TDRD3: variants seen among roughly 807,000 people sequenced by gnomAD.
TDRD3 encodes tudor domain containing 3, also known as tudor domain-containing protein 3.
TDRD3 carries 45 observed loss-of-function variants against 86.7 expected under a neutral mutation model. That is an observed-to-expected ratio of 0.52 (90% CI 0.41 to 0.67). The LOEUF (loss-of-function observed/expected upper bound fraction) is 0.67, where lower values mean the gene tolerates loss of function less well. Ranked by LOEUF, TDRD3 falls within the 30% of genes least tolerant of loss-of-function variation. TDRD3 has a pLI of 0.00. For synonymous variants in TDRD3, 298 were observed against 301.7 expected, an observed-to-expected ratio of 0.99 and a Z score of 0.13; for missense variants, 814 against 889.0, an observed-to-expected ratio of 0.92 and a Z score of 1.07.
chr13:60,498,440 G>T (rs1160291673), intron 8 of TDRD3, among the ~76,000 whole-genome samples: 1 of 152,116 alleles, frequency 6.6e-6, no homozygotes, highest in Admixed American at 6.6e-5. Context: ...ACGGCAATCA[G>T]AATATTCTGA....
rs1308176710 is a variant in TDRD3, at chr13:60,567,599, G to A, written c.2193G>A (p.Arg731=). The part of the protein sequence containing the change: ...GGDGQPRRST[R]PTQQFYQPPR... ...ATGGCCAGCCAAGACGATCCACTCG[G>A]CCAACCCAACAGTTTTACCAACCAC... is the stretch of plus-strand genomic sequence containing the variant. Residue 731 remains arginine (R), a synonymous_variant, in exon 13 of 14, where the codon CGG becomes CGA. Transcript: ENST00000377881. 6.2e-7 allele frequency: 1 copy of A among 1,614,136 alleles called. No individual in the cohort carries two copies.
At chr13:60,516,718 C>T (rs904222607) in intron 10 of TDRD3, among the ~76,000 whole-genome samples, 1 of 152,190 alleles carries the variant, frequency 6.6e-6, no homozygotes, top group Admixed American at 6.5e-5. Context: ...AGTGCTAAGC[C>T]TAGTGCTTGG....
intron 5 of TDRD3, among the ~76,000 whole-genome samples, chr13:60,471,719 A>G (rs1049252456): frequency 6.6e-6 from 1 of 151,900 alleles, no homozygotes; most frequent in Admixed American, 6.6e-5. Context: ...GATTTTGCGT[A>G]CTCCAACTTT....
In TDRD3 at chr13:60,535,243, A is replaced by T; in HGVS notation, c.2118+10A>T. 2 of 1,610,622 alleles carry T rather than the reference A, an allele frequency of 1.2e-6. No individual in the cohort carries two copies. Among genetic ancestry groups the T allele is most frequent in the Non-Finnish European group, 1.7e-6 (2 of 1,178,666 alleles). The stretch of plus-strand genomic sequence containing the variant: ...TCAAACAGAGGCATGGGTACGTGAT[A>T]CATATTCTGTACAAAGGCATAAACT... On this transcript the variant is annotated intron_variant, in intron 12 of 13. Transcript: ENST00000377881.
chr13:60,547,492 G>T (rs1290128337), intron 12 of TDRD3: 3 of 786,874 alleles, frequency 3.8e-6, no homozygotes, highest in Admixed American at 6.2e-5. Flanking sequence ...GTGACTTTGG[G>T]TAAGTTACCT....
At position 60,397,372 on chromosome 13, in the gene TDRD3, A is replaced by T; in HGVS notation, c.8A>T (p.Gln3Leu). The change falls in exon 1 of 14, where the codon CAG becomes CTG. Residue 3 changes from glutamine to leucine, a missense_variant. Coordinates refer to ENST00000377881, the MANE Select transcript of TDRD3 (RefSeq NM_001146070.2). ...CCGGCCTAAGCAGCTACCATGGCCC[A>T]GGTGGCCGGCGCGGCGTTGTCCCAG... Reference protein sequence around the residue: MAQVAGAALSQAG... With the variant: MALVAGAALSQAG... 1 of 1,483,542 alleles carries T rather than the reference A, an allele frequency of 6.7e-7. No homozygotes were observed. Among genetic ancestry groups the T allele is most frequent in the Non-Finnish European group, 9.0e-7 (1 of 1,116,120 alleles). 91.9% of individuals were successfully genotyped at this position (1,483,542 alleles called of 1,614,324 possible).
chr13:60,456,666 A>G (rs529239302), intron 3 of TDRD3, among the ~76,000 whole-genome samples: 1 of 152,126 alleles, frequency 6.6e-6, no homozygotes, highest in South Asian at 2.1e-4. Flanking sequence ...TTAGAAATTA[A>G]TTCTTGTCTA....
chr13:60,425,636 A>G (rs1954782097), intron 1 of TDRD3, among the ~76,000 whole-genome samples: 1 of 152,182 alleles, frequency 6.6e-6, no homozygotes, highest in Admixed American at 6.5e-5. Flanking sequence ...AAATGAATAA[A>G]GAAAATGTGG....
rs552972227 is a variant in TDRD3, at chr13:60,417,530, T to A, written c.41+20125T>A. On this transcript the variant is annotated intron_variant, in intron 1 of 13. Coordinates refer to ENST00000377881, the MANE Select transcript of TDRD3 (RefSeq NM_001146070.2). ...CTAATTTTTGTATGTTTAGTAGAGA[T>A]GGAGTTTCACCATGTTGGCCAGGCT... Among the ~76,000 whole-genome samples, 21 of 151,688 alleles carry A rather than the reference T, an allele frequency of 1.4e-4. No individual in the cohort carries two copies. The East Asian group carries it at 3.3e-3, about 24-fold the overall frequency.
intron 10 of TDRD3, among the ~76,000 whole-genome samples, chr13:60,525,017 G>A (rs1442394567): frequency 4.3e-5 from 6 of 141,104 alleles, no homozygotes; most frequent in African/African-American, 1.3e-4. Flanking sequence ...AACCCGGGAG[G>A]TGGAGGTTGC....
chr13:60,535,145 G>A lies in TDRD3; in HGVS notation c.2030G>A (p.Gly677Asp), dbSNP rs779184939. ...GAAGTTGAAGCCCTCCATTCTTCGG[G>A]TATGACAGCAGTTGTTAAATTCATT... The part of the protein sequence containing the change: ...RAEVEALHSS[G>D]MTAVVKFIDY... Residue 677 changes from glycine (G) to aspartate (D), a missense_variant, in exon 12 of 14, where the codon GGT becomes GAT. Physicochemically the swap from Gly to Asp is moderately conservative, Grantham distance 94 (BLOSUM62 -1). Coordinates refer to ENST00000377881, the MANE Select transcript of TDRD3 (RefSeq NM_001146070.2). The A allele has an allele frequency of 1.9e-6, 3 of 1,613,794 alleles. No individual in the cohort carries two copies. Among genetic ancestry groups the A allele is most frequent in the Non-Finnish European group, 2.5e-6 (3 of 1,179,894 alleles).
At chr13:60,520,730 G>A (rs1566267364) in intron 10 of TDRD3, among the ~76,000 whole-genome samples, 1 of 152,130 alleles carries the variant, frequency 6.6e-6, no homozygotes, top group Non-Finnish European at 1.5e-5. Flanking sequence ...GAGCGTTGAC[G>A]ACACCACCAG....
intron 7 of TDRD3, among the ~76,000 whole-genome samples, chr13:60,487,087 A>C (rs117360775): frequency 0.015 from 2,232 of 152,204 alleles, 29 homozygotes; most frequent in Non-Finnish European, 0.022. Flanking sequence ...TCTGTACTAA[A>C]TGTGTACAAA....
At chr13:60,396,036 G>C (rs550040535), upstream of TDRD3, among the ~76,000 whole-genome samples, 9 of 152,230 alleles carry the variant, frequency 5.9e-5, no homozygotes, top group African/African-American at 2.2e-4. Flanking sequence ...TCTGTATTAA[G>C]GAATTTTAGC....
At chr13:60,545,305 G>T (rs1334646665) in intron 12 of TDRD3, among the ~76,000 whole-genome samples, 1 of 152,062 alleles carries the variant, frequency 6.6e-6, no homozygotes, top group African/African-American at 2.4e-5. Flanking sequence ...AAGTAATTCG[G>T]GAAGCCCAAT....
At chr13:60,478,124 T>C (rs1039687390) in intron 5 of TDRD3, among the ~76,000 whole-genome samples, 4 of 152,084 alleles carry the variant, frequency 2.6e-5, no homozygotes, top group Non-Finnish European at 5.9e-5. Flanking sequence ...CTTCTAGGAA[T>C]GTATGCATTT....
chr13:60,470,522 T>C (rs1357874270), intron 5 of TDRD3, among the ~76,000 whole-genome samples: 1 of 151,972 alleles, frequency 6.6e-6, no homozygotes, highest in Admixed American at 6.6e-5. Flanking sequence ...TCACCAACGG[T>C]TGGTATTTTG....
At position 60,426,596 on chromosome 13, in the gene TDRD3, A is replaced by T. The variant is rs546527367; in HGVS notation, c.42-13092A>T. ...TTTGCAAATAATTCTAAAAACCTAT[A>T]TGAAATGGGTAGTTTTCTAGGAAAG... On this transcript the variant is annotated intron_variant, in intron 1 of 13. Coordinates refer to ENST00000377881, the MANE Select transcript of TDRD3 (RefSeq NM_001146070.2). 3.3e-5 allele frequency among the ~76,000 whole-genome samples: 5 copies of T among 152,322 alleles called. 1 individual carries two copies. In the South Asian group the frequency reaches 1.0e-3, roughly 32 times the overall value.
chr13:60,478,483 T>G (rs1440041370), intron 5 of TDRD3, among the ~76,000 whole-genome samples: 1 of 151,838 alleles, frequency 6.6e-6, no homozygotes, highest in Admixed American at 6.6e-5. Flanking sequence ...TTTGGCATTT[T>G]TAGTAGAGAT....
Sources: allele counts gnomAD v4.1 joint callset (sites outside exome capture counted in the v4.1 genomes callset), GRCh38; gene constraint gnomAD v4.1.1; transcripts MANE v1.5; gene names NCBI Gene and HGNC (gene_info 2026-07-23, HGNC 2026-07-21).